RAB7A: variants seen among roughly 807,000 people sequenced by gnomAD.
RAB7A encodes the protein RAB7A, member RAS oncogene family, also known as ras-related protein Rab-7a.
In RAB7A, 2 loss-of-function variants were observed where a neutral mutation model predicts 24.5. That is an observed-to-expected ratio of 0.08 (90% CI 0.03 to 0.26). The LOEUF (loss-of-function observed/expected upper bound fraction) is 0.26. Ranked by LOEUF, RAB7A falls within the 10% of genes least tolerant of loss-of-function variation. The pLI is 1.00. For synonymous variants in RAB7A, 100 were observed against 95.9 expected (o/e 1.04, Z -0.25); for missense variants, 118 against 255.7 (o/e 0.46, Z 3.67).
At chr3:128,806,854 A>C (rs555143369) in intron 4 of RAB7A, among the ~76,000 whole-genome samples, 1 of 152,328 alleles carries the variant, frequency 6.6e-6, no homozygotes, top group South Asian at 2.1e-4. Flanking sequence ...CTGCACTTTG[A>C]AGGAGGGAAT....
chr3:128,751,879 T>C lies in RAB7A; in HGVS notation c.-9+25520T>C, dbSNP rs1384940711. Among the ~76,000 whole-genome samples, 3 of 152,230 alleles carry C rather than the reference T, an allele frequency of 2.0e-5. No homozygotes were observed. In the East Asian group the frequency reaches 5.8e-4, roughly 29 times the overall value. Reference sequence around the variant, plus strand: ...TCATGGGTGCAGGTCTTTTCCATGCTGTTCTCGAGTTAGGGAATAAGTCTT... The same window carrying C: ...TCATGGGTGCAGGTCTTTTCCATGCCGTTCTCGAGTTAGGGAATAAGTCTT... On this transcript the variant is annotated intron_variant, in intron 1 of 5. Transcript: ENST00000265062.
chr3:128,797,692 C>T (rs527636465), intron 2 of RAB7A, among the ~76,000 whole-genome samples: 6 of 152,238 alleles, frequency 3.9e-5, no homozygotes, highest in Non-Finnish European at 5.9e-5. Flanking sequence ...TACCATTTGA[C>T]CTGGCTGTGC....
At chr3:128,773,201 C>T (rs1311007718) in intron 1 of RAB7A, among the ~76,000 whole-genome samples, 2 of 151,790 alleles carry the variant, frequency 1.3e-5, no homozygotes, top group African/African-American at 2.4e-5. Context: ...TCTGCCCGGC[C>T]GCGACCCCGT....
intron 1 of RAB7A, among the ~76,000 whole-genome samples, chr3:128,729,672 C>G (rs1473932241): frequency 6.6e-6 from 1 of 152,042 alleles, no homozygotes; most frequent in African/African-American, 2.4e-5. Flanking sequence ...CAAACACAGA[C>G]CACGCAAATA....
intron 1 of RAB7A, among the ~76,000 whole-genome samples, chr3:128,758,658 T>G (rs938125712): frequency 6.6e-6 from 1 of 152,136 alleles, no homozygotes; most frequent in Non-Finnish European, 1.5e-5. Flanking sequence ...CGAAAAATCT[T>G]TAGGGATTTT....
At chr3:128,765,759 T>C (rs1258926021) in intron 1 of RAB7A, among the ~76,000 whole-genome samples, 8 of 224 alleles carry the variant, frequency 0.036, no homozygotes, top group Non-Finnish European at 0.11. Flanking sequence ...TACCTCTACT[T>C]TTTTTTTTTT....
At chr3:128,734,310 A>C (rs2070468647) in intron 1 of RAB7A, among the ~76,000 whole-genome samples, 1 of 151,972 alleles carries the variant, frequency 6.6e-6, no homozygotes, top group Admixed American at 6.6e-5. Flanking sequence ...GGGCACTTGT[A>C]ATTCCAGCTA....
intron 1 of RAB7A, among the ~76,000 whole-genome samples, chr3:128,793,536 G>C (rs1386951841): frequency 1.3e-5 from 2 of 152,154 alleles, no homozygotes; most frequent in Non-Finnish European, 2.9e-5. Flanking sequence ...TGCCTACCTT[G>C]GCCTCCCCTT....
intron 1 of RAB7A, among the ~76,000 whole-genome samples, chr3:128,757,639 A>T (rs1449427907): frequency 1.3e-5 from 2 of 150,408 alleles, no homozygotes; most frequent in Non-Finnish European, 3.0e-5. Flanking sequence ...CTCCTGCCTC[A>T]TTCTCCTAAC....
chr3:128,797,985 A>G lies in RAB7A; in HGVS notation c.96A>G (p.Lys32=). 1 of 1,613,944 alleles carries G rather than the reference A, an allele frequency of 6.2e-7. No homozygotes were observed. Among genetic ancestry groups the G allele is most frequent in the Middle Eastern group, 1.6e-4 (1 of 6,062 alleles). Residue 32 remains lysine (K), a synonymous_variant, in exon 3 of 6, where the codon AAA becomes AAG. Coordinates refer to ENST00000265062, the MANE Select transcript of RAB7A (RefSeq NM_004637.6). ...TCATGAACCAGTATGTGAATAAGAA[A>G]TTCAGCAATCAGTACAAAGCCACAA... The part of the protein sequence containing the change: ...TSLMNQYVNK[K]FSNQYKATIG...
chr3:128,749,564 C>T (rs1371189738), intron 1 of RAB7A: 3 of 152,188 alleles, frequency 2.0e-5, no homozygotes, highest in Non-Finnish European at 4.4e-5. Context: ...GTGTCCCCAC[C>T]CAGATCTCAT....
intron 1 of RAB7A, among the ~76,000 whole-genome samples, chr3:128,761,371 C>G (rs2070774708): frequency 6.6e-6 from 1 of 152,154 alleles, no homozygotes; most frequent in African/African-American, 2.4e-5. Context: ...CCTCTATACC[C>G]CCCCATCCCA....
chr3:128,783,130 C>T (rs1933257552), intron 1 of RAB7A, among the ~76,000 whole-genome samples: 1 of 152,148 alleles, frequency 6.6e-6, no homozygotes, highest in African/African-American at 2.4e-5. Flanking sequence ...TTACCAAGCC[C>T]TTGCACCACA....
intron 2 of RAB7A, among the ~76,000 whole-genome samples, chr3:128,795,761 T>TTTTTTTTTTTTTTTTTTTTTTTTTG (rs1933557576): frequency 1.0e-5 from 1 of 99,386 alleles, no homozygotes; most frequent in Non-Finnish European, 2.2e-5. Context: ...CTTTTTTTTT[T>TTTTTTTTTTTTTTTTTTTTTTTTTG]TTTTTTTGGA....
chr3:128,762,753 CT>C (rs2070785382), intron 1 of RAB7A, among the ~76,000 whole-genome samples: 1 of 152,214 alleles, frequency 6.6e-6, no homozygotes, highest in African/African-American at 2.4e-5. Context: ...GTGAGAGCTT[CT>C]GCCTCAACTG....
chr3:128,781,042 C>T (rs1411999948), intron 1 of RAB7A, among the ~76,000 whole-genome samples: 1 of 152,168 alleles, frequency 6.6e-6, no homozygotes, highest in Non-Finnish European at 1.5e-5. Flanking sequence ...ACATATGATG[C>T]AGTACACCAA....
intron 1 of RAB7A, among the ~76,000 whole-genome samples, chr3:128,742,008 G>A (rs189603294): frequency 5.9e-4 from 90 of 152,182 alleles, no homozygotes; most frequent in African/African-American, 1.8e-3. Context: ...GAATGAAGCC[G>A]CAGACCCTAG....
intron 1 of RAB7A, chr3:128,764,934 C>T: frequency 6.3e-7 from 1 of 1,594,270 alleles, no homozygotes; most frequent in Non-Finnish European, 8.5e-7. Context: ...AGGCGTAGAG[C>T]TCCAGGTTGA....
chr3:128,761,181 T>C (rs536656250), intron 1 of RAB7A, among the ~76,000 whole-genome samples: 1 of 152,320 alleles, frequency 6.6e-6, no homozygotes, highest in African/African-American at 2.4e-5. Context: ...ATAATCTCTG[T>C]ACCCAGTTGA....
Sources: gnomAD v4.1 joint callset for allele counts (sites outside exome capture counted in the v4.1 genomes callset) on GRCh38, gnomAD v4.1.1 for gene constraint, MANE v1.5 for transcripts, NCBI Gene and HGNC (gene_info 2026-07-23, HGNC 2026-07-21) for gene names.